Variants in FLII observed in about 807,000 individuals in gnomAD.
The protein encoded by FLII is protein flightless-1 homolog.
Under a neutral mutation model 156.2 loss-of-function variants are expected in FLII, and 101 were observed. The ratio of observed to expected loss-of-function variants is 0.65; its 90% CI spans 0.55 to 0.76. The LOEUF is 0.76. FLII is among the 30% of genes least tolerant of loss of function. The pLI, the probability that FLII is intolerant of heterozygous loss-of-function variation, is 0.00. For missense variants in FLII, 1,675 were observed against 1,682.8 expected (o/e 1.00, Z 0.08); for synonymous variants, 767 against 685.8 (o/e 1.12, Z -1.85).
chr17:18,246,541 G>GC (rs1277444838), intron 23 of FLII, 53 bp downstream of exon 23: 1 of 1,611,336 alleles, frequency 6.2e-7, no homozygotes, highest in East Asian at 2.2e-5. Context: ...CTGGGTCTGA[G>GC]CCCCACCACA....
intron 17 of FLII, 24 bp downstream of exon 17, chr17:18,248,776 A>G (rs758254803): frequency 1.4e-5 from 23 of 1,613,786 alleles, no homozygotes; most frequent in Admixed American, 5.0e-5. Flanking sequence ...CCTTCACACA[A>G]AAGACCCCAC....
At position 18,244,953 on chromosome 17, in the gene FLII, GA is replaced by G; in HGVS notation, c.*184del. On this transcript the variant is annotated 3_prime_UTR_variant, in exon 30 of 30. Coordinates refer to ENST00000327031, the MANE Select transcript of FLII (RefSeq NM_002018.4). Reference sequence around the variant, plus strand: ...TGCACTCACACTGTGGAGAGAGTTGGATTTCCCAGACCCCTGAGGGCACCTG... The same window carrying G: ...TGCACTCACACTGTGGAGAGAGTTGGTTTCCCAGACCCCTGAGGGCACCTG... 1 of 666,652 alleles carries G rather than the reference GA, an allele frequency of 1.5e-6. No homozygotes were observed. Among genetic ancestry groups the G allele is most frequent in the Non-Finnish European group, 2.6e-6 (1 of 384,378 alleles). 41.3% of individuals were successfully genotyped at this position (666,652 alleles called of 1,614,324 possible).
In FLII at chr17:18,246,436, C is replaced by T. The variant is rs908049138; in HGVS notation, c.3078G>A (p.Glu1026=). The T allele has an allele frequency of 6.2e-7, 1 of 1,614,028 alleles. No homozygotes were observed. Among genetic ancestry groups the T allele is most frequent in the Non-Finnish European group, 8.5e-7 (1 of 1,180,000 alleles). Residue 1026 remains glutamate (E), a synonymous_variant, in exon 24 of 30, where the codon GAG becomes GAA. Coordinates refer to ENST00000327031, the MANE Select transcript of FLII (RefSeq NM_002018.4). ...LEVVRMTQQQ[E]NPKFLSHFKR... ...TGAAATGGGACAGGAACTTGGGGTT[C>T]TCCTGCTGCTGCGTCATGCGTACCA...
In FLII at chr17:18,249,180, T is replaced by C; in HGVS notation, c.1881A>G (p.Lys627=). The C allele has an allele frequency of 6.2e-7, 1 of 1,614,196 alleles. No homozygotes were observed. The highest frequency in any genetic ancestry group is 8.5e-7 in the Non-Finnish European group (1 of 1,180,044). The part of the protein sequence containing the change: ...YVTRMYRVYG[K]KNIKLEPVPL... Reference sequence around the variant, plus strand: ...GCACAGGCTCCAACTTGATGTTCTTTTTCCCATACACACGATACATCCTGG... The same window carrying C: ...GCACAGGCTCCAACTTGATGTTCTTCTTCCCATACACACGATACATCCTGG... Residue 627 remains lysine, a synonymous_variant, in exon 16 of 30, where the codon AAA becomes AAG. Transcript: ENST00000327031.
At position 18,246,036 on chromosome 17, in the gene FLII, C is replaced by T; in HGVS notation, c.3294G>A (p.Gln1098=). 6.2e-7 allele frequency: 1 copy of T among 1,614,150 alleles called. No individual in the cohort carries two copies. The highest frequency in any genetic ancestry group is 8.5e-7 in the Non-Finnish European group (1 of 1,180,036). Residue 1098 remains glutamine (Q), a synonymous_variant, in exon 26 of 30, where the codon CAG becomes CAA. Transcript: ENST00000327031. ...GGCCCACCCAGGCATACACGATGCCCTGGTTGTCCTCACTCTCAAAGGGAA... is the reference window on the plus strand; with the variant it reads ...GGCCCACCCAGGCATACACGATGCCTTGGTTGTCCTCACTCTCAAAGGGAA... ...LKVPFESEDN[Q]GIVYAWVGRA...
At chr17:18,248,315 C>T (rs981830577) in intron 18 of FLII, among the ~76,000 whole-genome samples, 1 of 152,166 alleles carries the variant, frequency 6.6e-6, no homozygotes, top group African/African-American at 2.4e-5. Context: ...CCAGCCCTGG[C>T]ACTAGGTGCT....
In FLII at chr17:18,246,427, C is replaced by T. The variant is rs768421099; in HGVS notation, c.3087G>A (p.Lys1029=). ...VRMTQQQENP[K]FLSHFKRKFI... ...ACTTCCTCTTGAAATGGGACAGGAA[C>T]TTGGGGTTCTCCTGCTGCTGCGTCA... Residue 1029 remains lysine, a synonymous_variant, in exon 24 of 30, where the codon AAG becomes AAA. Transcript: ENST00000327031. The T allele has an allele frequency of 1.4e-5, 22 of 1,613,928 alleles. No individual in the cohort carries two copies. The African/African-American group carries it at 2.7e-4, about 20-fold the overall frequency.
chr17:18,256,501 C>A lies in FLII; in HGVS notation c.246+25G>T, dbSNP rs747365027. 1.9e-6 allele frequency: 3 copies of A among 1,543,058 alleles called. No individual in the cohort carries two copies. The African/African-American group carries it at 4.1e-5, about 21-fold the overall frequency. On this transcript the variant is annotated intron_variant, in intron 3 of 29. Transcript: ENST00000327031. ...CGGACCTTGGCCCCAACCCCAAGCT[C>A]GGTGGCCTCCCGGCCAGCACTCACG...
chr17:18,248,731 G>A lies in FLII; in HGVS notation c.2019-10C>T. ...TTTCTCTGCAAAGAGCCTGAGAGCAGGATGCAAAGTCATCAGCGAGGCTCA... is the reference window on the plus strand; with the variant it reads ...TTTCTCTGCAAAGAGCCTGAGAGCAAGATGCAAAGTCATCAGCGAGGCTCA... On this transcript the variant is annotated splice_polypyrimidine_tract_variant and intron_variant, in intron 17 of 29. Transcript: ENST00000327031. 5 of 1,613,896 alleles carry A rather than the reference G, an allele frequency of 3.1e-6. No individual in the cohort carries two copies. The highest frequency in any genetic ancestry group is 4.2e-6 in the Non-Finnish European group (5 of 1,179,796).
At chr17:18,252,248 G>A (rs1482780723) in intron 10 of FLII, 102 bp from the exon 11 acceptor site, 11 of 1,174,536 alleles carry the variant, frequency 9.4e-6, no homozygotes, top group Non-Finnish European at 1.4e-5. Context: ...AGGGCTGAGA[G>A]GTCAGGGAAC....
Position 18,252,068 on chromosome 17 carries a change from C to G in FLII, c.1177G>C (p.Asp393His), listed in dbSNP as rs762217588. 6.2e-7 allele frequency: 1 copy of G among 1,613,388 alleles called. No individual in the cohort carries two copies. The highest frequency in any genetic ancestry group is 1.3e-5 in the African/African-American group (1 of 75,066). The change falls in exon 11 of 30, where the codon GAC becomes CAC. Residue 393 changes from aspartate (D) to histidine (H), a missense_variant. Transcript: ENST00000327031. ...ADRAAEWYNIDFSLQNQLRLA... is the reference protein window; with the variant it reads ...ADRAAEWYNIHFSLQNQLRLA... The stretch of plus-strand genomic sequence containing the variant: ...CGCAGCTGGTTCTGCAGCGAGAAGT[C>G]GATGTTGTACCACTCAGCGGCACGG...
At chr17:18,254,883 G>A (rs2048371654) in intron 4 of FLII, 29 bp from the exon 5 acceptor site, 2 of 1,609,924 alleles carry the variant, frequency 1.2e-6, no homozygotes, top group Non-Finnish European at 1.7e-6. Context: ...ACCCAGGTCA[G>A]GGGAGTCTCC....
Position 18,245,116 on chromosome 17 carries a change from C to T in FLII, c.*22G>A, listed in dbSNP as rs200226967. ...AGGCCCCTTCCTCTTCCTCACCAAG[C>T]CTGGGGCTGTGCCAGCCTGTCTTAG... On this transcript the variant is annotated 3_prime_UTR_variant, in exon 30 of 30. Coordinates refer to ENST00000327031, the MANE Select transcript of FLII (RefSeq NM_002018.4). 4.8e-4 allele frequency: 775 copies of T among 1,602,302 alleles called. 4 individuals carry two copies. In the Middle Eastern group the frequency reaches 0.013, roughly 28 times the overall value.
rs2048194602 is a variant in FLII at position 18,249,528 on chromosome 17, G to A, written c.1777-120C>T. 5.4e-6 allele frequency: 4 copies of A among 738,818 alleles called. No homozygotes were observed. The South Asian group carries it at 6.4e-5, about 12-fold the overall frequency. The allele number at this position is 738,818 out of a possible 1,614,324, so 45.8% of individuals were successfully genotyped here. On this transcript the variant is annotated intron_variant, in intron 14 of 29. Transcript: ENST00000327031. ...GAATTGAGTGCTACAAATCTATGAT[G>A]CCTGTAATCCCAGCACTTCAGGAGT...
In FLII at chr17:18,251,891, A is replaced by G; in HGVS notation, c.1247-75T>C. The G allele has an allele frequency of 5.6e-6, 9 of 1,606,926 alleles. No homozygotes were observed. The South Asian group carries it at 8.8e-5, about 16-fold the overall frequency. On this transcript the variant is annotated intron_variant, in intron 11 of 29. Coordinates refer to ENST00000327031, the MANE Select transcript of FLII (RefSeq NM_002018.4). ...TGGGCATGCGACCAACCAGGGGCCAACTCCACCCACCAGGGTCCAGAAAGC... is the reference window on the plus strand; with the variant it reads ...TGGGCATGCGACCAACCAGGGGCCAGCTCCACCCACCAGGGTCCAGAAAGC...
rs773745535 is a variant in FLII, at chr17:18,245,894, G to A, written c.3396+40C>T. The stretch of plus-strand genomic sequence containing the variant: ...CAGCCCAGGGCCCCTGCCTGCCCTG[G>A]CTCCTCTGTGTGTGCCCGCCTGCCC... On this transcript the variant is annotated intron_variant, in intron 26 of 29. Coordinates refer to ENST00000327031, the MANE Select transcript of FLII (RefSeq NM_002018.4). 6.4e-5 allele frequency: 103 copies of A among 1,613,836 alleles called. No individual in the cohort carries two copies. The South Asian group carries it at 1.1e-3, about 17-fold the overall frequency.
Position 18,246,708 on chromosome 17 carries a change from GTCC to G in FLII, c.2934_2936del (p.Glu978del), listed in dbSNP as rs751804874. Reference sequence around the variant, plus strand: ...GCCAGAAGTACACGATGCACTGGAAGTCCTCCTCTGGCTGCTTCTCCTCTGCCT... The same window carrying G: ...GCCAGAAGTACACGATGCACTGGAAGTCCTCTGGCTGCTTCTCCTCTGCCT... On this transcript the variant is annotated inframe_deletion, in exon 23 of 30. Transcript: ENST00000327031. 13 of 1,613,454 alleles carry G rather than the reference GTCC, an allele frequency of 8.1e-6. No individual in the cohort carries two copies. In the South Asian group the frequency reaches 1.3e-4, roughly 16 times the overall value.
At position 18,247,316 on chromosome 17, in the gene FLII, C is replaced by T. The variant is rs902067275; in HGVS notation, c.2529G>A (p.Thr843=). 30 of 1,610,020 alleles carry T rather than the reference C, an allele frequency of 1.9e-5. No homozygotes were observed. Among genetic ancestry groups the T allele is most frequent in the Non-Finnish European group, 2.4e-5 (28 of 1,178,866 alleles). ...CCTCCGCATTGCGTGTGTAGTCCAC[C>T]GTCAACACATCGTCCCAATTCTTGA... ...AKFKNWDDVL[T]VDYTRNAEAV... is the part of the protein sequence containing the mutation. The change falls in exon 21 of 30, where the codon ACG becomes ACA. Residue 843 remains threonine (T), a synonymous_variant. Transcript: ENST00000327031.
chr17:18,253,434 G>C lies in FLII; in HGVS notation c.880C>G (p.Leu294Val). 1 of 1,613,890 alleles carries C rather than the reference G, an allele frequency of 6.2e-7. No homozygotes were observed. Among genetic ancestry groups the C allele is most frequent in the Non-Finnish European group, 8.5e-7 (1 of 1,180,028 alleles). The change falls in exon 9 of 30, where the codon CTG (leucine) becomes GTG (valine). Residue 294 changes from leucine (L) to valine (V), a missense_variant. Physicochemically the swap from Leu to Val is conservative, Grantham distance 32 (BLOSUM62 1). Around this residue, in one of 2 missense-constraint regions of FLII, gnomAD observed 343 missense variants for 413.5 expected, o/e 0.83. Transcript: ENST00000327031. ...LPSAICKLSKLKKLYLNSNKL... is the reference protein window; with the variant it reads ...LPSAICKLSKVKKLYLNSNKL... ...TTGGAATTCAGGTACAGCTTCTTCA[G>C]CTTGCTCAGCTTGCAAATGGCTGAC...
Sources: gnomAD v4.1 joint callset for allele counts (sites outside exome capture counted in the v4.1 genomes callset) on GRCh38, gnomAD v4.1.1 for gene constraint, gnomAD v4.1.1 regional missense constraint, MANE v1.5 for transcripts, NCBI Gene and HGNC (gene_info 2026-07-23, HGNC 2026-07-21) for gene names.